Variants in KCNQ1 observed in about 807,000 individuals in gnomAD.
The protein encoded by KCNQ1 is potassium voltage-gated channel subfamily Q member 1.
In KCNQ1, 49 loss-of-function variants were observed where a neutral mutation model predicts 72.4. The ratio of observed to expected loss-of-function variants is 0.68; its 90% CI spans 0.54 to 0.86. The LOEUF (loss-of-function observed/expected upper bound fraction) is 0.86, where lower values mean the gene tolerates loss of function less well. KCNQ1 is among the 40% of genes least tolerant of loss of function. The probability of loss-of-function intolerance (pLI) is 0.00; values close to 1 mark genes in which losing one functional copy is unlikely to be tolerated. For synonymous variants in KCNQ1, 450 were observed against 412.6 expected (o/e 1.09, Z -1.10); for missense variants, 790 against 945.1 (o/e 0.84, Z 2.15).
chr11:2,485,098 C>T lies in KCNQ1; in HGVS notation c.386+39614C>T, dbSNP rs150851116. ...TCACTGCGTCCCATCAGTGCTTTTCCCCACGGTGACTTTGAGTATTTCTTT... is the reference window on the plus strand; with the variant it reads ...TCACTGCGTCCCATCAGTGCTTTTCTCCACGGTGACTTTGAGTATTTCTTT... On this transcript the variant is annotated intron_variant, in intron 1 of 15. Transcript: ENST00000155840. Among the ~76,000 whole-genome samples, 26 of 152,282 alleles carry T rather than the reference C, an allele frequency of 1.7e-4. No homozygotes were observed. The East Asian group carries it at 3.9e-3, about 23-fold the overall frequency.
At chr11:2,569,085 C>T (rs1406685957) in intron 2 of KCNQ1, among the ~76,000 whole-genome samples, 1 of 152,148 alleles carries the variant, frequency 6.6e-6, no homozygotes, top group African/African-American at 2.4e-5. Flanking sequence ...AGGGTTTCAC[C>T]ATGTTGATCA....
At chr11:2,561,636 C>T (rs1474019911) in intron 2 of KCNQ1, among the ~76,000 whole-genome samples, 1 of 152,246 alleles carries the variant, frequency 6.6e-6, no homozygotes, top group Non-Finnish European at 1.5e-5. Flanking sequence ...AGTGTCCTCA[C>T]ACCAGCCTGC....
intron 15 of KCNQ1, among the ~76,000 whole-genome samples, chr11:2,791,789 C>T (rs1847029565): frequency 6.6e-6 from 1 of 152,104 alleles, no homozygotes; most frequent in Admixed American, 6.5e-5. Flanking sequence ...AGGTCCTCGC[C>T]GCGCCGCTCC....
At chr11:2,591,444 C>G (rs545007927) in intron 10 of KCNQ1, among the ~76,000 whole-genome samples, 275 of 152,362 alleles carry the variant, frequency 1.8e-3, no homozygotes, top group Non-Finnish European at 3.2e-3. Context: ...CCGCTGGAGC[C>G]GGCACAAAGG....
At chr11:2,807,383 C>T (rs529060533) in intron 15 of KCNQ1, among the ~76,000 whole-genome samples, 12 of 152,292 alleles carry the variant, frequency 7.9e-5, no homozygotes, top group East Asian at 1.9e-4. Flanking sequence ...CAGATAAGGC[C>T]GGGAGGGGAC....
intron 11 of KCNQ1, chr11:2,681,112 C>A (rs1209126666): frequency 2.5e-6 from 1 of 398,296 alleles, no homozygotes; most frequent in Non-Finnish European, 4.4e-6. Flanking sequence ...AAATAGATGC[C>A]CCCCAAAAAA....
chr11:2,537,934 T>C lies in KCNQ1; in HGVS notation c.477+9916T>C, dbSNP rs1847761537. 6.6e-6 allele frequency among the ~76,000 whole-genome samples: 1 copy of C among 152,210 alleles called. No homozygotes were observed. Among genetic ancestry groups the C allele is most frequent in the African/African-American group, 2.4e-5 (1 of 41,460 alleles). ...TTTTGCCATGTTACCTAGGCTGGTC[T>C]TAAACTCCTGAGTTCAAACAATCCT... On this transcript the variant is annotated intron_variant, in intron 2 of 15. Coordinates refer to ENST00000155840, the MANE Select transcript of KCNQ1 (RefSeq NM_000218.3). The surrounding 1 kb of genome is among the most constrained non-coding windows in gnomAD (Gnocchi z 5.2).
intron 10 of KCNQ1, chr11:2,636,932 G>A (rs1282827121): frequency 1.3e-5 from 2 of 152,160 alleles, no homozygotes; most frequent in African/African-American, 4.8e-5. Flanking sequence ...ATGTCTCCAG[G>A]AATTTATCCA....
intron 7 of KCNQ1, among the ~76,000 whole-genome samples, chr11:2,584,545 T>G (rs201151076): frequency 4.8e-5 from 6 of 125,056 alleles, no homozygotes; most frequent in Admixed American, 1.6e-4. Context: ...TAGTATGTGT[T>G]TGTGTTAGTG....
chr11:2,531,237 C>T (rs1244603021), intron 2 of KCNQ1, among the ~76,000 whole-genome samples: 9 of 151,278 alleles, frequency 5.9e-5, no homozygotes, highest in African/African-American at 1.2e-4. Flanking sequence ...TCCACATGCC[C>T]GTCTGCAGCT....
intron 11 of KCNQ1, chr11:2,694,354 G>T (rs1201406922): frequency 5.0e-6 from 2 of 398,564 alleles, no homozygotes; most frequent in Non-Finnish European, 8.8e-6. Flanking sequence ...ATATGGCAAT[G>T]TCTGGAGATA....
In KCNQ1 at chr11:2,679,805, C is replaced by T. The variant is rs1271848050; in HGVS notation, c.1514+17724C>T. The T allele has an allele frequency of 2.5e-6, 1 of 398,466 alleles. No individual in the cohort carries two copies. Among genetic ancestry groups the T allele is most frequent in the African/African-American group, 2.1e-5 (1 of 48,604 alleles). 24.7% of individuals were successfully genotyped at this position (398,466 alleles called of 1,614,324 possible). A position where few individuals can be genotyped will look rare whatever the true frequency, so the allele number is the denominator to read the frequency against. ...TTAGGCCAGTTGAGGGCTAGAGGAG[C>T]ACAAGGGGCCAGACTGCTGCTACTT... On this transcript the variant is annotated intron_variant, in intron 11 of 15. Coordinates refer to ENST00000155840, the MANE Select transcript of KCNQ1 (RefSeq NM_000218.3). This position sits in a 1 kb window ranked among gnomAD's most constrained non-coding sequence, Gnocchi z 4.8.
chr11:2,840,058 A>ATAACT (rs1428150120), intron 15 of KCNQ1: 3 of 152,214 alleles, frequency 2.0e-5, no homozygotes, highest in African/African-American at 7.2e-5. Context: ...AAACCCATGT[A>ATAACT]TAACTTTTGA....
At chr11:2,510,042 G>A (rs1847172699) in intron 1 of KCNQ1, among the ~76,000 whole-genome samples, 2 of 152,086 alleles carry the variant, frequency 1.3e-5, no homozygotes, top group Admixed American at 1.3e-4. Context: ...GGCCAAAGTG[G>A]GAGGATTGCT....
intron 15 of KCNQ1, among the ~76,000 whole-genome samples, chr11:2,836,016 C>T (rs969203311): frequency 2.7e-5 from 4 of 150,926 alleles, no homozygotes; most frequent in Non-Finnish European, 2.9e-5. Context: ...GCAAAGGCCA[C>T]GGGGAAAGGG....
At position 2,456,306 on chromosome 11, in the gene KCNQ1, A is replaced by AC. The variant is rs1846190246; in HGVS notation, c.386+10822_386+10823insC. Among the ~76,000 whole-genome samples, 4 of 152,296 alleles carry AC rather than the reference A, an allele frequency of 2.6e-5. No homozygotes were observed. The South Asian group carries it at 8.3e-4, about 32-fold the overall frequency. ...GAGCAAAACTCTATCTCAAAACAAAAAAAAAAAAATTAAAAAAGATTAGAT... is the reference window on the plus strand; with the variant it reads ...GAGCAAAACTCTATCTCAAAACAAAACAAAAAAAAATTAAAAAAGATTAGAT... On this transcript the variant is annotated intron_variant, in intron 1 of 15. Coordinates refer to ENST00000155840, the MANE Select transcript of KCNQ1 (RefSeq NM_000218.3).
intron 3 of KCNQ1, among the ~76,000 whole-genome samples, chr11:2,571,063 C>T (rs1302193980): frequency 6.6e-6 from 1 of 152,218 alleles, no homozygotes; most frequent in African/African-American, 2.4e-5. Context: ...AGGCCTGAGG[C>T]CCTGCCCTTT....
rs962021419 is a variant in KCNQ1 at position 2,481,416 on chromosome 11, TAC to T, written c.386+35940_386+35941del. Among the ~76,000 whole-genome samples the T allele has an allele frequency of 5.9e-4, 90 of 152,298 alleles. No individual in the cohort carries two copies. Among genetic ancestry groups the T allele is most frequent in the African/African-American group, 2.1e-3 (88 of 41,554 alleles). On this transcript the variant is annotated intron_variant, in intron 1 of 15. Transcript: ENST00000155840. This position sits in a 1 kb window ranked among gnomAD's most constrained non-coding sequence, Gnocchi z 4.6. ...TCTTTGTGTGTGTGTTAAGGGCGTG[TAC>T]ACACACAGTGCAGTCAGGAGTGAGT...
rs969698128 is a variant in KCNQ1 at position 2,601,883 on chromosome 11, C to T, written c.1393+13029C>T. Among the ~76,000 whole-genome samples the T allele has an allele frequency of 6.6e-6, 1 of 152,152 alleles. No individual in the cohort carries two copies. The highest frequency in any genetic ancestry group is 1.5e-5 in the Non-Finnish European group (1 of 68,028). ...CAAATCAGAGTAGGCTGAACAATGG[C>T]CCCCAAAGTAGCCAGGTCCTAACGC... is the stretch of plus-strand genomic sequence containing the variant. On this transcript the variant is annotated intron_variant, in intron 10 of 15. Transcript: ENST00000155840. The surrounding 1 kb of genome is among the most constrained non-coding windows in gnomAD (Gnocchi z 5.2).
Sources: allele counts gnomAD v4.1 joint callset (sites outside exome capture counted in the v4.1 genomes callset), GRCh38; gene constraint gnomAD v4.1.1; non-coding constraint Gnocchi (gnomAD v3.1); transcripts MANE v1.5; gene names NCBI Gene and HGNC (gene_info 2026-07-23, HGNC 2026-07-21).